CNGB3: variants seen among roughly 807,000 people sequenced by gnomAD.
The protein encoded by CNGB3 is cyclic nucleotide gated channel subunit beta 3, also known as cyclic nucleotide-gated channel beta-3.
Under a neutral mutation model 92.8 loss-of-function variants are expected in CNGB3, and 86 were observed. The observed-to-expected ratio is 0.93, with a 90% CI of 0.78 to 1.11. The LOEUF is 1.11. CNGB3 is among the 50% of genes least tolerant of loss of function. The pLI is 0.00. For missense variants in CNGB3, 1,026 were observed against 956.8 expected (o/e 1.07, Z -0.95); for synonymous variants, 333 against 332.7 (o/e 1.00, Z -0.01).
At chr8:86,642,271 T>G (rs1311375047) in intron 10 of CNGB3, among the ~76,000 whole-genome samples, 2 of 151,796 alleles carry the variant, frequency 1.3e-5, no homozygotes, top group Admixed American at 6.6e-5. Flanking sequence ...TGATGTTGGA[T>G]TACATATTCA....
intron 6 of CNGB3, chr8:86,659,090 A>G: frequency 1.3e-6 from 1 of 772,210 alleles, no homozygotes; most frequent in Non-Finnish European, 2.2e-6. Context: ...GCAGGGGTTC[A>G]GCGATCTGTT....
intron 3 of CNGB3, among the ~76,000 whole-genome samples, chr8:86,724,608 G>T (rs1444279654): frequency 6.6e-6 from 1 of 152,014 alleles, no homozygotes; most frequent in Non-Finnish European, 1.5e-5. Context: ...TGAGACTGAT[G>T]GATTTTTCAG....
At chr8:86,712,713 A>T (rs1824771878) in intron 3 of CNGB3, among the ~76,000 whole-genome samples, 1 of 150,550 alleles carries the variant, frequency 6.6e-6, no homozygotes, top group Non-Finnish European at 1.5e-5. Context: ...TAGGAATACT[A>T]CTATATCTAT....
At chr8:86,694,651 C>T (rs1408129676) in intron 3 of CNGB3, among the ~76,000 whole-genome samples, 2 of 151,944 alleles carry the variant, frequency 1.3e-5, no homozygotes, top group Admixed American at 6.6e-5. Flanking sequence ...GCACTCCTCA[C>T]ATCCCAGATG....
intron 3 of CNGB3, among the ~76,000 whole-genome samples, chr8:86,672,652 G>A (rs960839571): frequency 1.3e-5 from 2 of 152,098 alleles, no homozygotes; most frequent in African/African-American, 2.4e-5. Flanking sequence ...TGGGCAACTT[G>A]TAGATTCCAC....
chr8:86,727,605 C>T (rs1825084284), intron 2 of CNGB3, among the ~76,000 whole-genome samples: 1 of 151,974 alleles, frequency 6.6e-6, no homozygotes, highest in South Asian at 2.1e-4. Context: ...GAATAAACAA[C>T]TTACTGGTAA....
rs1312635352 is a variant in CNGB3, at chr8:86,667,118, A to G, written c.659T>C (p.Leu220Pro). ...GGCAAGAGTGACAAGCAAGAGCCAC[A>G]GGAGATAGAGTCGATCTGGAAAAAC... ...IDSYTDRLYL[L>P]WLLLVTLAYN... Residue 220 changes from leucine (L) to proline (P), a missense_variant, in exon 6 of 18, where the codon CTG becomes CCG. Physicochemically the swap from Leu to Pro is moderately conservative, Grantham distance 98. Coordinates refer to ENST00000320005, the MANE Select transcript of CNGB3 (RefSeq NM_019098.5). The G allele has an allele frequency of 2.5e-6, 4 of 1,614,044 alleles. No individual in the cohort carries two copies. Among genetic ancestry groups the G allele is most frequent in the South Asian group, 1.1e-5 (1 of 91,046 alleles).
At chr8:86,628,433 CCCCCACT>C (rs1563732349) in intron 12 of CNGB3, among the ~76,000 whole-genome samples, 1 of 152,122 alleles carries the variant, frequency 6.6e-6, no homozygotes, top group Non-Finnish European at 1.5e-5. Flanking sequence ...GCATTGTTAA[CCCCCACT>C]TGTTCAAGGG....
At chr8:86,601,360 G>C (rs898747005) in intron 15 of CNGB3, among the ~76,000 whole-genome samples, 1 of 152,044 alleles carries the variant, frequency 6.6e-6, no homozygotes, top group South Asian at 2.1e-4. Flanking sequence ...GCAGACCCTG[G>C]GTCTCTCTTT....
At chr8:86,657,294 G>C (rs1397623666) in intron 6 of CNGB3, 3 of 333,748 alleles carry the variant, frequency 9.0e-6, no homozygotes, top group African/African-American at 2.2e-5. Flanking sequence ...TAAGGATAAT[G>C]GGGTGACTGG....
intron 6 of CNGB3, among the ~76,000 whole-genome samples, chr8:86,655,793 G>A (rs1293683317): frequency 6.6e-6 from 1 of 152,194 alleles, no homozygotes; most frequent in African/African-American, 2.4e-5. Context: ...GATGACTAGA[G>A]TGGCATTTGT....
chr8:86,658,490 A>C, intron 6 of CNGB3: 2 of 400,626 alleles, frequency 5.0e-6, no homozygotes, highest in South Asian at 4.6e-5. Context: ...CTTTGCCCTG[A>C]GCTTCCTCCT....
At position 86,632,886 on chromosome 8, in the gene CNGB3, T is replaced by G. The variant is rs760232682; in HGVS notation, c.1186A>C (p.Arg396=). 8 of 1,612,278 alleles carry G rather than the reference T, an allele frequency of 5.0e-6. No individual in the cohort carries two copies. The African/African-American group carries it at 9.3e-5, about 19-fold the overall frequency. ...GTTCGAACTGCCCAATAATAACATC[T>G]CAGATACCTGTGAAAACAGAAGATA... ...VYDGEGNEYL[R]CYYWAVRTLI... Residue 396 remains arginine (R), a synonymous_variant, in exon 11 of 18, where the codon AGA becomes CGA. Transcript: ENST00000320005.
intron 7 of CNGB3, among the ~76,000 whole-genome samples, chr8:86,651,747 A>G (rs531404006): frequency 1.3e-5 from 2 of 151,942 alleles, no homozygotes; most frequent in Non-Finnish European, 2.9e-5. Flanking sequence ...ATTGAATTGA[A>G]GTATTGACCA....
At chr8:86,682,924 TGAG>T (rs746371597) in intron 3 of CNGB3, among the ~76,000 whole-genome samples, 9 of 152,124 alleles carry the variant, frequency 5.9e-5, no homozygotes, top group Non-Finnish European at 8.8e-5. Context: ...TGTGTGTGGT[TGAG>T]GTCAGCTGTT....
chr8:86,675,405 A>G (rs762742438), intron 3 of CNGB3, among the ~76,000 whole-genome samples: 14 of 151,496 alleles, frequency 9.2e-5, no homozygotes, highest in Non-Finnish European at 1.9e-4. Flanking sequence ...ATAGGAGGAA[A>G]CTCATATTGG....
intron 3 of CNGB3, among the ~76,000 whole-genome samples, chr8:86,695,303 G>A (rs1023186110): frequency 4.6e-5 from 7 of 152,156 alleles, no homozygotes; most frequent in African/African-American, 9.7e-5. Context: ...GAGGGAGAGG[G>A]AGACCATGGG....
intron 2 of CNGB3, among the ~76,000 whole-genome samples, chr8:86,738,841 A>AC (rs1340954035): frequency 1.0e-4 from 1 of 9,896 alleles, no homozygotes; most frequent in African/African-American, 5.9e-4. Context: ...ACTCCGTCTC[A>AC]AAAAAAAAAA....
intron 6 of CNGB3, chr8:86,658,756 G>A: frequency 2.0e-6 from 1 of 504,586 alleles, no homozygotes; most frequent in South Asian, 2.4e-5. Flanking sequence ...TCATTGTTCA[G>A]CTTCATGAAG....
Sources: gnomAD v4.1 joint callset for allele counts (sites outside exome capture counted in the v4.1 genomes callset) on GRCh38, gnomAD v4.1.1 for gene constraint, MANE v1.5 for transcripts, NCBI Gene and HGNC (gene_info 2026-07-23, HGNC 2026-07-21) for gene names.